STAG1: variants seen among roughly 807,000 people sequenced by gnomAD.
STAG1 encodes cohesin subunit SA-1.
A neutral mutation model predicts 170.9 loss-of-function variants in STAG1; 26 were observed. The ratio of observed to expected loss-of-function variants is 0.15; its 90% CI spans 0.11 to 0.21. The LOEUF (loss-of-function observed/expected upper bound fraction) is 0.21. STAG1 is among the 10% of genes least tolerant of loss of function. The pLI is 1.00. For missense variants in STAG1, 964 were observed against 1,509.5 expected (o/e 0.64, Z 5.99); for synonymous variants, 514 against 497.7 (o/e 1.03, Z -0.44).
chr3:136,656,573 T>C (rs1941377004), intron 1 of STAG1, among the ~76,000 whole-genome samples: 1 of 150,720 alleles, frequency 6.6e-6, no homozygotes, highest in Non-Finnish European at 1.5e-5. Flanking sequence ...AACAACAATA[T>C]ATATAAGAAC....
intron 5 of STAG1, among the ~76,000 whole-genome samples, chr3:136,543,840 T>C (rs1238980873): frequency 6.6e-6 from 1 of 152,184 alleles, no homozygotes. Flanking sequence ...GTATTTGGCA[T>C]TGCACCTGTA....
intron 5 of STAG1, among the ~76,000 whole-genome samples, chr3:136,545,238 T>G (rs1180489563): frequency 1.3e-5 from 2 of 152,002 alleles, no homozygotes; most frequent in Non-Finnish European, 2.9e-5. Flanking sequence ...ACACAATAAG[T>G]TTTGTATTTT....
intron 23 of STAG1, 82 bp downstream of exon 23, chr3:136,377,578 G>C: frequency 9.0e-7 from 1 of 1,114,112 alleles, no homozygotes; most frequent in Admixed American, 1.9e-5. Flanking sequence ...TACAAAAACT[G>C]CCATAAAAAA....
chr3:136,370,615 G>GT (rs1377977091), intron 23 of STAG1, among the ~76,000 whole-genome samples: 2 of 152,138 alleles, frequency 1.3e-5, no homozygotes, highest in Non-Finnish European at 2.9e-5. Flanking sequence ...GCAGTGTTTG[G>GT]TTTTTTGTCC....
chr3:136,382,632 A>G (rs761727075), intron 22 of STAG1, among the ~76,000 whole-genome samples: 2 of 151,936 alleles, frequency 1.3e-5, no homozygotes, highest in Non-Finnish European at 2.9e-5. Flanking sequence ...GCTGGTCTCG[A>G]ACTCCTGACC....
intron 13 of STAG1, among the ~76,000 whole-genome samples, chr3:136,459,241 A>G (rs2089207783): frequency 1.3e-5 from 2 of 151,828 alleles, no homozygotes; most frequent in South Asian, 2.1e-4. Context: ...AAAAAAGAAA[A>G]GAAAAGAAAA....
At chr3:136,370,902 T>C (rs149909939) in intron 23 of STAG1, among the ~76,000 whole-genome samples, 117 of 152,326 alleles carry the variant, frequency 7.7e-4, no homozygotes, top group Admixed American at 2.7e-3. Context: ...AGTCAAATGG[T>C]ATGTCTAGTT....
Position 136,606,637 on chromosome 3 carries a change from G to C in STAG1, c.133-2164C>G, listed in dbSNP as rs140324303. ...GGTTTTTGATGACCATAGGAGTTTT[G>C]AGAAATATTGATCAGGCATTTTCTA... is the stretch of plus-strand genomic sequence containing the variant. On this transcript the variant is annotated intron_variant, in intron 3 of 33. Coordinates refer to ENST00000383202, the MANE Select transcript of STAG1 (RefSeq NM_005862.3). Among the ~76,000 whole-genome samples the C allele has an allele frequency of 2.3e-3, 352 of 152,054 alleles. 1 individual carries two copies. Among genetic ancestry groups the C allele is most frequent in the Admixed American group, 4.4e-3 (67 of 15,252 alleles).
At chr3:136,672,219 T>C (rs965627300) in intron 1 of STAG1, among the ~76,000 whole-genome samples, 8 of 152,170 alleles carry the variant, frequency 5.3e-5, no homozygotes, top group African/African-American at 1.9e-4. Context: ...CTCACAAAAA[T>C]GAGGCCTACA....
rs547593548 is a variant in STAG1 at position 136,392,490 on chromosome 3, G to A, written c.2277+6259C>T. ...GCACTAAAGAAAATAAACCAGGCTG[G>A]GCGCAGTGGCTCATGGCTGTAATCC... On this transcript the variant is annotated intron_variant, in intron 22 of 33. Coordinates refer to ENST00000383202, the MANE Select transcript of STAG1 (RefSeq NM_005862.3). 2.6e-5 allele frequency among the ~76,000 whole-genome samples: 4 copies of A among 152,152 alleles called. No homozygotes were observed. The South Asian group carries it at 8.3e-4, about 32-fold the overall frequency.
intron 5 of STAG1, among the ~76,000 whole-genome samples, chr3:136,562,851 G>C (rs1936900461): frequency 1.3e-5 from 2 of 152,190 alleles, no homozygotes; most frequent in Non-Finnish European, 2.9e-5. Flanking sequence ...GCCTCCCAAA[G>C]TGCTGGGATT....
At chr3:136,360,408 C>T (rs1936816916) in intron 26 of STAG1, among the ~76,000 whole-genome samples, 1 of 152,164 alleles carries the variant, frequency 6.6e-6, no homozygotes, top group South Asian at 2.1e-4. Context: ...ATTTCCTCTG[C>T]CAGCTACTAA....
At chr3:136,345,931 C>T (rs549492921) in intron 29 of STAG1, among the ~76,000 whole-genome samples, 69 of 152,300 alleles carry the variant, frequency 4.5e-4, no homozygotes, top group Middle Eastern at 6.8e-3. Context: ...AGACACATTT[C>T]ATCATCTTCT....
At chr3:136,513,603 T>C (rs1208481205) in intron 7 of STAG1, among the ~76,000 whole-genome samples, 1 of 152,066 alleles carries the variant, frequency 6.6e-6, no homozygotes, top group African/African-American at 2.4e-5. Flanking sequence ...AAATTAGCAC[T>C]GGACTTCTCA....
At chr3:136,637,725 T>G (rs1331657877) in intron 1 of STAG1, among the ~76,000 whole-genome samples, 1 of 152,126 alleles carries the variant, frequency 6.6e-6, no homozygotes, top group East Asian at 1.9e-4. Flanking sequence ...ACAGTTATTG[T>G]GGTAAGTGAC....
chr3:136,575,686 TA>T (rs546037532), intron 4 of STAG1, among the ~76,000 whole-genome samples: 178 of 152,314 alleles, frequency 1.2e-3, no homozygotes, highest in African/African-American at 3.9e-3. Context: ...TTCTGGGACC[TA>T]AGGTGACATA....
At chr3:136,454,587 C>T (rs2089051807) in intron 13 of STAG1, among the ~76,000 whole-genome samples, 1 of 151,874 alleles carries the variant, frequency 6.6e-6, no homozygotes, top group African/African-American at 2.4e-5. Flanking sequence ...ACCATGTTGG[C>T]CAGGCTGATC....
At chr3:136,529,769 T>A (rs1452400924) in intron 6 of STAG1, among the ~76,000 whole-genome samples, 1 of 151,874 alleles carries the variant, frequency 6.6e-6, no homozygotes, top group Non-Finnish European at 1.5e-5. Context: ...CAAATGACAC[T>A]GCTACAGAAA....
At chr3:136,695,997 T>C (rs1942877100) in intron 1 of STAG1, among the ~76,000 whole-genome samples, 1 of 152,140 alleles carries the variant, frequency 6.6e-6, no homozygotes, top group Non-Finnish European at 1.5e-5. Context: ...TTTGGGAATA[T>C]ATAAAAACAG....
Sources: allele counts gnomAD v4.1 joint callset (sites outside exome capture counted in the v4.1 genomes callset), GRCh38; gene constraint gnomAD v4.1.1; transcripts MANE v1.5; gene names NCBI Gene and HGNC (gene_info 2026-07-23, HGNC 2026-07-21).